The following MYO10 variants were observed in gnomAD, a reference collection of about 807,000 sequenced individuals.
MYO10 encodes the protein unconventional myosin-X.
In MYO10, 133 loss-of-function variants were observed where a neutral mutation model predicts 257.3. The observed-to-expected ratio is 0.52, with a 90% confidence interval of 0.45 to 0.60. MYO10 has a LOEUF of 0.60. Ranked by LOEUF, MYO10 falls within the 20% of genes least tolerant of loss-of-function variation. The pLI is 0.00. For synonymous variants in MYO10, 1,104 were observed against 1,028.6 expected, an observed-to-expected ratio of 1.07 and a Z score of -1.40; for missense variants, 2,399 against 2,635.7, an observed-to-expected ratio of 0.91 and a Z score of 1.97.
At chr5:16,919,208 T>C (rs1296774785) in intron 1 of MYO10, among the ~76,000 whole-genome samples, 1 of 151,944 alleles carries the variant, frequency 6.6e-6, no homozygotes, top group Non-Finnish European at 1.5e-5. Context: ...TGAAACCCTG[T>C]CTCTACTAAA....
chr5:16,757,239 G>A (rs937793786), intron 18 of MYO10, among the ~76,000 whole-genome samples: 1 of 150,008 alleles, frequency 6.7e-6, no homozygotes, highest in Non-Finnish European at 1.5e-5. Context: ...GCAGTGAGGC[G>A]TGATTACACC....
At chr5:16,801,606 T>C (rs999312739) in intron 3 of MYO10, among the ~76,000 whole-genome samples, 1 of 152,172 alleles carries the variant, frequency 6.6e-6, no homozygotes, top group African/African-American at 2.4e-5. Flanking sequence ...TTGTGATTCA[T>C]ATTCTGAAAA....
chr5:16,764,399 G>A lies in MYO10; in HGVS notation c.1180-3C>T, dbSNP rs1177877154. 3 of 1,613,672 alleles carry A rather than the reference G, an allele frequency of 1.9e-6. No homozygotes were observed. Among genetic ancestry groups the A allele is most frequent in the Non-Finnish European group, 2.5e-6 (3 of 1,179,786 alleles). On this transcript the variant is annotated splice_polypyrimidine_tract_variant and splice_region_variant and intron_variant, in intron 11 of 40. Transcript: ENST00000513610. ...AGGGAGTCCCTGCTGTCTACTGCCT[G>A]TGGGAGAGAAACCAGCACAGACTCA...
At chr5:16,748,139 G>A (rs13166444) in intron 19 of MYO10, among the ~76,000 whole-genome samples, 7,443 of 151,934 alleles carry the variant, frequency 0.049, 253 homozygotes, top group Middle Eastern at 0.088. Flanking sequence ...GTGCGATCTC[G>A]GCTCACTGCA....
intron 3 of MYO10, among the ~76,000 whole-genome samples, chr5:16,813,364 T>C (rs969051783): frequency 1.3e-5 from 2 of 151,708 alleles, no homozygotes; most frequent in Non-Finnish European, 2.9e-5. Context: ...TTTAAAAAAA[T>C]TAAAAAAACT....
intron 29 of MYO10, 32 bp from the exon 30 acceptor site, chr5:16,683,967 A>C: frequency 6.2e-7 from 1 of 1,604,404 alleles, no homozygotes; most frequent in Non-Finnish European, 8.5e-7. Context: ...ACAGAATGAG[A>C]GAAGCACTAA....
intron 2 of MYO10, among the ~76,000 whole-genome samples, chr5:16,819,847 T>C (rs765012417): frequency 1.3e-5 from 2 of 152,262 alleles, no homozygotes; most frequent in East Asian, 1.9e-4. Flanking sequence ...AAATTACAAC[T>C]TCAGCAGTAG....
intron 2 of MYO10, among the ~76,000 whole-genome samples, chr5:16,821,274 C>T (rs570856332): frequency 6.7e-6 from 1 of 148,638 alleles, no homozygotes; most frequent in South Asian, 2.1e-4. Flanking sequence ...CCTATGTGTA[C>T]ATCCTATGTA....
chr5:16,800,594 T>C (rs1742092726), intron 3 of MYO10, among the ~76,000 whole-genome samples: 2 of 152,176 alleles, frequency 1.3e-5, no homozygotes, highest in Non-Finnish European at 2.9e-5. Flanking sequence ...TCTCCGCCCA[T>C]AAAAGCGATG....
At chr5:16,807,298 C>A (rs933586166) in intron 3 of MYO10, among the ~76,000 whole-genome samples, 1 of 152,190 alleles carries the variant, frequency 6.6e-6, no homozygotes, top group African/African-American at 2.4e-5. Flanking sequence ...CCTGTTACTT[C>A]ACACATAGTG....
chr5:16,743,132 C>G (rs982716619), intron 19 of MYO10, among the ~76,000 whole-genome samples: 8 of 151,928 alleles, frequency 5.3e-5, no homozygotes, highest in Admixed American at 1.3e-4. Context: ...AAACAAAACA[C>G]CAGGAAGGAT....
At chr5:16,783,264 T>C in intron 5 of MYO10, 71 bp downstream of exon 5, 1 of 1,417,964 alleles carries the variant, frequency 7.1e-7, no homozygotes, top group Non-Finnish European at 9.4e-7. Context: ...TAATTTTAAC[T>C]CTTCTTTAAA....
chr5:16,738,127 G>T (rs1739879880), intron 19 of MYO10: 1 of 984,958 alleles, frequency 1.0e-6, no homozygotes, highest in Non-Finnish European at 1.2e-6. Context: ...ACAGGGGAGA[G>T]GTACTCACCT....
At chr5:16,884,193 C>A (rs1744834131) in intron 1 of MYO10, among the ~76,000 whole-genome samples, 2 of 152,154 alleles carry the variant, frequency 1.3e-5, no homozygotes, top group South Asian at 4.2e-4. Flanking sequence ...AAGTTTGAGA[C>A]CAGCCTGGGC....
intron 3 of MYO10, among the ~76,000 whole-genome samples, chr5:16,804,670 C>T (rs1367492931): frequency 1.3e-5 from 2 of 152,048 alleles, no homozygotes; most frequent in East Asian, 1.9e-4. Context: ...GTCAGGAGTT[C>T]GAGACCAGCC....
In MYO10 at chr5:16,936,146, T is replaced by G; in HGVS notation, c.-338A>C. ...CGGGGTGCTGGCGAGCGCGGCCCCC[T>G]CCCTCTGCGCTCCGGCCGGGGGCCC... is the stretch of plus-strand genomic sequence containing the variant. On this transcript the variant is annotated 5_prime_UTR_variant, in exon 1 of 41. Coordinates refer to ENST00000513610, the MANE Select transcript of MYO10 (RefSeq NM_012334.3). The G allele has an allele frequency of 2.9e-6, 1 of 347,654 alleles. No individual in the cohort carries two copies. Among genetic ancestry groups the G allele is most frequent in the African/African-American group, 2.2e-5 (1 of 45,474 alleles). 21.5% of individuals were successfully genotyped at this position (347,654 alleles called of 1,614,324 possible). A position where few individuals can be genotyped will look rare whatever the true frequency, so the allele number is the denominator to read the frequency against.
Position 16,754,414 on chromosome 5 carries a change from C to T in MYO10, c.1929+414G>A, listed in dbSNP as rs1399162070. Among the ~76,000 whole-genome samples, 6 of 151,490 alleles carry T rather than the reference C, an allele frequency of 4.0e-5. No individual in the cohort carries two copies. In the East Asian group the frequency reaches 5.8e-4, roughly 15 times the overall value. ...GCATTACTACTTAAAGCCTCTTCAT[C>T]GTGTTTAAAATAACAATAAAGCAAA... On this transcript the variant is annotated intron_variant, in intron 19 of 40. Transcript: ENST00000513610.
intron 27 of MYO10, 89 bp downstream of exon 27, chr5:16,694,282 G>C: frequency 8.3e-6 from 13 of 1,560,718 alleles, no homozygotes; most frequent in South Asian, 1.2e-5. Flanking sequence ...GGCTACTGCC[G>C]CTGCAAGGAA....
chr5:16,680,336 A>G (rs560678765), intron 32 of MYO10, among the ~76,000 whole-genome samples: 2 of 152,330 alleles, frequency 1.3e-5, no homozygotes, highest in Admixed American at 1.3e-4. Context: ...GTATTAGAAC[A>G]ATAAACCCAT....
Sources: gnomAD v4.1 joint callset for allele counts (sites outside exome capture counted in the v4.1 genomes callset) on GRCh38, gnomAD v4.1.1 for gene constraint, MANE v1.5 for transcripts, NCBI Gene and HGNC (gene_info 2026-07-23, HGNC 2026-07-21) for gene names.